The following ALK variants were observed in gnomAD, a reference collection of about 807,000 sequenced individuals.
ALK encodes the protein ALK receptor tyrosine kinase.
Under a neutral mutation model 163.1 loss-of-function variants are expected in ALK, and 74 were observed. The observed-to-expected ratio is 0.45, with a 90% CI of 0.38 to 0.55. The LOEUF is 0.55. Among genes scored for constraint, ALK ranks in the 20% least tolerant of loss-of-function variants. ALK has a pLI of 0.00. For synonymous variants in ALK, 960 were observed against 843.2 expected, an observed-to-expected ratio of 1.14 and a Z score of -2.40; for missense variants, 2,063 against 2,105.3, an observed-to-expected ratio of 0.98 and a Z score of 0.39.
At chr2:29,583,035 G>GT (rs10637189) in intron 3 of ALK, among the ~76,000 whole-genome samples, 2 of 108,106 alleles carry the variant, frequency 1.9e-5, no homozygotes, top group East Asian at 4.8e-4. Context: ...GCTAACTTTT[G>GT]TTTTTTGTTT....
intron 4 of ALK, among the ~76,000 whole-genome samples, chr2:29,420,599 C>T (rs1481574880): frequency 1.3e-5 from 2 of 151,540 alleles, no homozygotes; most frequent in Non-Finnish European, 1.5e-5. Flanking sequence ...ATTCTGCAAA[C>T]GGCATGGGCA....
rs1680659924 is a variant in ALK at position 29,760,180 on chromosome 2, TCCCTACACACCTACACAC to T, written c.668-42501_668-42484del. Among the ~76,000 whole-genome samples the T allele has an allele frequency of 5.3e-5, 8 of 151,904 alleles. 1 individual carries two copies. In the South Asian group the frequency reaches 1.7e-3, roughly 32 times the overall value. On this transcript the variant is annotated intron_variant, in intron 1 of 28. Transcript: ENST00000389048. ...CAGTGCCCCCCTACACACCCACACA[TCCCTACACACCTACACAC>T]CCCTACACACACACACATCCCTATA...
At chr2:29,297,147 A>C (rs2148231395) in intron 8 of ALK, 90 bp from the exon 9 acceptor site, 1 of 1,499,308 alleles carries the variant, frequency 6.7e-7, no homozygotes, top group Non-Finnish European at 9.2e-7. Context: ...AGGACCTTAT[A>C]AGAGACTCAG....
intron 1 of ALK, among the ~76,000 whole-genome samples, chr2:29,895,233 T>C (rs533149278): frequency 6.6e-6 from 1 of 152,342 alleles, no homozygotes; most frequent in African/African-American, 2.4e-5. Flanking sequence ...TGAAAGTTGT[T>C]ACTTGGGATG....
At chr2:29,487,921 G>C (rs1014451246) in intron 4 of ALK, among the ~76,000 whole-genome samples, 1 of 152,140 alleles carries the variant, frequency 6.6e-6, no homozygotes, top group African/African-American at 2.4e-5. Flanking sequence ...TTCAAAGACA[G>C]AGGGGCCCAG....
intron 3 of ALK, among the ~76,000 whole-genome samples, chr2:29,678,998 C>G (rs918000910): frequency 6.6e-6 from 1 of 151,828 alleles, no homozygotes; most frequent in Non-Finnish European, 1.5e-5. Context: ...GTTGAATTGT[C>G]TTGTTTCCCC....
chr2:29,694,826 C>T, intron 3 of ALK, 24 bp downstream of exon 3: 1 of 1,613,074 alleles, frequency 6.2e-7, no homozygotes, highest in Non-Finnish European at 8.5e-7. Context: ...CCACCCAGGA[C>T]ATCACCAGCA....
At chr2:29,379,228 T>A (rs542116531) in intron 5 of ALK, among the ~76,000 whole-genome samples, 2 of 152,192 alleles carry the variant, frequency 1.3e-5, no homozygotes, top group Non-Finnish European at 2.9e-5. Context: ...CTCTCTTGCC[T>A]GTGCTGATTG....
At chr2:29,378,482 T>G (rs777777517) in intron 5 of ALK, among the ~76,000 whole-genome samples, 2 of 152,210 alleles carry the variant, frequency 1.3e-5, no homozygotes, top group Non-Finnish European at 2.9e-5. Context: ...TGTGTGACTT[T>G]GAGGAAATTA....
intron 5 of ALK, among the ~76,000 whole-genome samples, chr2:29,335,034 G>A (rs1264281202): frequency 6.6e-6 from 1 of 152,156 alleles, no homozygotes; most frequent in Non-Finnish European, 1.5e-5. Flanking sequence ...AGTATCCTGA[G>A]GCCCCGGCTG....
At chr2:29,841,237 A>G (rs1025888731) in intron 1 of ALK, among the ~76,000 whole-genome samples, 3 of 152,200 alleles carry the variant, frequency 2.0e-5, no homozygotes, top group Non-Finnish European at 4.4e-5. Flanking sequence ...ATATTAAGCA[A>G]TTTTTTCCAA....
Position 29,193,854 on chromosome 2 carries a change from C to T in ALK, c.4233G>A (p.Val1411=), listed in dbSNP as rs764864902. Residue 1411 remains valine, a synonymous_variant, in exon 29 of 29, where the codon GTG becomes GTA. Coordinates refer to ENST00000389048, the MANE Select transcript of ALK (RefSeq NM_004304.5). The stretch of plus-strand genomic sequence containing the variant: ...CCTCAGGGTCCTTGGGCCTCACAGG[C>T]ACTTTCTCTTCCTCTTCCACAAGTG... ...YGPLVEEEEK[V]PVRPKDPEGV... The T allele has an allele frequency of 1.2e-6, 2 of 1,613,526 alleles. No individual in the cohort carries two copies. Among genetic ancestry groups the T allele is most frequent in the Non-Finnish European group, 1.7e-6 (2 of 1,179,746 alleles).
chr2:29,270,836 C>T (rs1361831966), intron 11 of ALK, among the ~76,000 whole-genome samples: 1 of 152,138 alleles, frequency 6.6e-6, no homozygotes, highest in African/African-American at 2.4e-5. Flanking sequence ...GAGGGAACTT[C>T]CTGCTTCCTG....
At chr2:29,539,067 C>G (rs991595892) in intron 3 of ALK, among the ~76,000 whole-genome samples, 48 of 152,036 alleles carry the variant, frequency 3.2e-4, no homozygotes, top group African/African-American at 1.1e-3. Context: ...CCCAAATCAG[C>G]TGTACTTTTC....
At chr2:29,866,865 C>T (rs137927539) in intron 1 of ALK, among the ~76,000 whole-genome samples, 242 of 152,304 alleles carry the variant, frequency 1.6e-3, no homozygotes, top group Non-Finnish European at 2.2e-3. Flanking sequence ...CTGGGCCTCT[C>T]GGTTCCCTCC....
chr2:29,677,952 A>C (rs1241380847), intron 3 of ALK, among the ~76,000 whole-genome samples: 1 of 152,056 alleles, frequency 6.6e-6, no homozygotes, highest in African/African-American at 2.4e-5. Flanking sequence ...TTACTAATTC[A>C]AGTCTTTACT....
At chr2:29,531,614 T>G (rs1045462159) in intron 4 of ALK, among the ~76,000 whole-genome samples, 1 of 152,182 alleles carries the variant, frequency 6.6e-6, no homozygotes, top group Non-Finnish European at 1.5e-5. Context: ...TTGACTGTTT[T>G]CTTCTTGGCT....
intron 2 of ALK, among the ~76,000 whole-genome samples, chr2:29,695,885 T>C (rs1033811711): frequency 4.6e-5 from 7 of 152,034 alleles, no homozygotes; most frequent in Non-Finnish European, 2.9e-5. Flanking sequence ...TGTGGAGAAA[T>C]AGAAATAGAA....
chr2:29,868,815 C>T (rs1309616277), intron 1 of ALK, among the ~76,000 whole-genome samples: 1 of 151,650 alleles, frequency 6.6e-6, no homozygotes, highest in East Asian at 1.9e-4. Flanking sequence ...TCTGGACAGA[C>T]TTGTGACCGT....
Sources: gnomAD v4.1 joint callset for allele counts (sites outside exome capture counted in the v4.1 genomes callset) on GRCh38, gnomAD v4.1.1 for gene constraint, MANE v1.5 for transcripts, NCBI Gene and HGNC (gene_info 2026-07-23, HGNC 2026-07-21) for gene names.